The following DYRK4 variants were observed in gnomAD, a reference collection of about 807,000 sequenced individuals.
DYRK4 encodes dual specificity tyrosine-phosphorylation-regulated kinase 4.
Under a neutral mutation model 68.3 loss-of-function variants are expected in DYRK4, and 64 were observed. The observed-to-expected ratio is 0.94, with a 90% CI of 0.77 to 1.15. The LOEUF (loss-of-function observed/expected upper bound fraction) is 1.15. DYRK4 is among the 50% of genes most tolerant of loss of function. The pLI is 0.00. For missense variants in DYRK4, 740 were observed against 764.7 expected (o/e 0.97, Z 0.38); for synonymous variants, 274 against 289.9 (o/e 0.95, Z 0.56).
intron 2 of DYRK4, among the ~76,000 whole-genome samples, chr12:4,579,854 T>C (rs1363591747): frequency 6.6e-6 from 1 of 152,092 alleles, no homozygotes; most frequent in Non-Finnish European, 1.5e-5. Flanking sequence ...TTCTTTATAA[T>C]CCCTTGTCAC....
chr12:4,568,505 C>T (rs1313084836), intron 2 of DYRK4, among the ~76,000 whole-genome samples: 1 of 152,096 alleles, frequency 6.6e-6, no homozygotes, highest in African/African-American at 2.4e-5. Context: ...CCTGCCTCAG[C>T]CTCCCAAGTA....
At chr12:4,563,175 C>G in intron 1 of DYRK4, 1 of 455,820 alleles carries the variant, frequency 2.2e-6, no homozygotes, top group South Asian at 1.6e-5. Context: ...TACATGTGGT[C>G]GGTATGTAAA....
chr12:4,588,689 T>C (rs763444579), intron 2 of DYRK4, among the ~76,000 whole-genome samples: 6 of 152,244 alleles, frequency 3.9e-5, no homozygotes, highest in Non-Finnish European at 8.8e-5. Context: ...ATATTGATTT[T>C]TTTTAAAGCA....
intron 10 of DYRK4, among the ~76,000 whole-genome samples, chr12:4,601,753 T>C (rs868089314): frequency 1.3e-5 from 2 of 152,170 alleles, no homozygotes; most frequent in African/African-American, 2.4e-5. Context: ...ATTTTCAAAA[T>C]TTTCTCTTGG....
chr12:4,571,797 A>T (rs1427509248), intron 2 of DYRK4, among the ~76,000 whole-genome samples: 1 of 152,228 alleles, frequency 6.6e-6, no homozygotes, highest in South Asian at 2.1e-4. Flanking sequence ...CAGAAAATTT[A>T]AAATTATACT....
At chr12:4,575,880 T>C (rs1412449350) in intron 2 of DYRK4, among the ~76,000 whole-genome samples, 2 of 152,234 alleles carry the variant, frequency 1.3e-5, no homozygotes, top group African/African-American at 4.8e-5. Context: ...ATTTAATTTT[T>C]AAAGAGCAGT....
intron 10 of DYRK4, chr12:4,602,215 T>C: frequency 1.0e-6 from 1 of 970,312 alleles, no homozygotes; most frequent in Non-Finnish European, 1.6e-6. Flanking sequence ...GTCTTCAATC[T>C]GCTTTGCTTG....
chr12:4,585,060 G>A (rs963205841), intron 2 of DYRK4, among the ~76,000 whole-genome samples: 15 of 152,120 alleles, frequency 9.9e-5, no homozygotes, highest in Admixed American at 9.8e-4. Context: ...CCCCTCACCC[G>A]CCATCAGCCT....
chr12:4,582,450 AATGAAATGAG>A (rs1485203134), intron 2 of DYRK4, among the ~76,000 whole-genome samples: 1 of 152,230 alleles, frequency 6.6e-6, no homozygotes, highest in Non-Finnish European at 1.5e-5. Flanking sequence ...AATAAAATGA[AATGAAATGAG>A]ATGAAATGAA....
chr12:4,575,299 C>CGTGTGTGTGTGTGTGTGTG (rs1555120909), intron 2 of DYRK4, among the ~76,000 whole-genome samples: 18 of 148,964 alleles, frequency 1.2e-4, no homozygotes, highest in African/African-American at 4.4e-4. Flanking sequence ...CAATAACTTA[C>CGTGTGTGTGTGTGTGTGTG]TGTGTGTGTG....
At chr12:4,590,290 C>G (rs1944939143) in intron 3 of DYRK4, 40 bp from the exon 4 acceptor site, 1 of 1,513,480 alleles carries the variant, frequency 6.6e-7, no homozygotes, top group Non-Finnish European at 8.8e-7. Context: ...CGTTTTCTTG[C>G]CTAAGGCTTT....
At chr12:4,578,406 G>T (rs1462648056) in intron 2 of DYRK4, among the ~76,000 whole-genome samples, 1 of 151,928 alleles carries the variant, frequency 6.6e-6, no homozygotes, top group Non-Finnish European at 1.5e-5. Context: ...CATTCATTTG[G>T]TTTTTAATTT....
intron 13 of DYRK4, 178 bp downstream of exon 13, chr12:4,610,462 T>C (rs1321162855): frequency 2.0e-5 from 11 of 562,946 alleles, no homozygotes; most frequent in Non-Finnish European, 3.2e-5. Context: ...CAGACATCTC[T>C]CCCTACTGTG....
In DYRK4 at chr12:4,582,061, G is replaced by A. The variant is rs142210352; in HGVS notation, c.133-6876G>A. Among the ~76,000 whole-genome samples, 240 of 152,254 alleles carry A rather than the reference G, an allele frequency of 1.6e-3. 1 individual carries two copies. The highest frequency in any genetic ancestry group is 5.4e-3 in the African/African-American group (225 of 41,558). On this transcript the variant is annotated intron_variant, in intron 2 of 14. Transcript: ENST00000543431. ...TGTGCACGTGAGTGGTGTCATTGTC[G>A]GCACTCAAAAGTGGAGCATTTCAGG...
At chr12:4,611,044 G>A (rs193262663) in intron 13 of DYRK4, among the ~76,000 whole-genome samples, 4 of 152,016 alleles carry the variant, frequency 2.6e-5, no homozygotes, top group Non-Finnish European at 4.4e-5. Flanking sequence ...TATAAAATAC[G>A]GTATTCCTAA....
chr12:4,591,497 T>C lies in DYRK4; in HGVS notation c.463+199T>C. On this transcript the variant is annotated intron_variant, in intron 5 of 14. Transcript: ENST00000543431. The surrounding 1 kb of genome is among the most constrained non-coding windows in gnomAD (Gnocchi z 4.1). ...GCAAGAGGCTGAATAGGAGGCTGAA[T>C]TTCCCCCAAGGAGTGGCTCTGGGCA... 1 of 706,114 alleles carries C rather than the reference T, an allele frequency of 1.4e-6. No homozygotes were observed. Among genetic ancestry groups the C allele is most frequent in the Non-Finnish European group, 2.2e-6 (1 of 457,348 alleles). The allele number at this position is 706,114 out of a possible 1,614,324, so 43.7% of individuals were successfully genotyped here.
rs367847283 is a variant in DYRK4, at chr12:4,612,539, G to A, written c.1491-4G>A. 33 of 1,613,370 alleles carry A rather than the reference G, an allele frequency of 2.0e-5. No homozygotes were observed. The African/African-American group carries it at 3.6e-4, about 18-fold the overall frequency. ...AACCCATGTGGGGCTTTGTTGGGGTGCAGATGGGAACCTTCTCTTCGCATG... is the reference window on the plus strand; with the variant it reads ...AACCCATGTGGGGCTTTGTTGGGGTACAGATGGGAACCTTCTCTTCGCATG... On this transcript the variant is annotated splice_polypyrimidine_tract_variant and splice_region_variant and intron_variant, in intron 13 of 14. Coordinates refer to ENST00000543431, the MANE Select transcript of DYRK4 (RefSeq NM_001394779.1).
At chr12:4,572,503 G>A (rs191669068) in intron 2 of DYRK4, among the ~76,000 whole-genome samples, 1 of 152,146 alleles carries the variant, frequency 6.6e-6, no homozygotes, top group Non-Finnish European at 1.5e-5. Context: ...CACCATGTTA[G>A]CCAGGATGGT....
At chr12:4,580,745 A>G (rs1049192820) in intron 2 of DYRK4, 4 of 445,306 alleles carry the variant, frequency 9.0e-6, no homozygotes, top group African/African-American at 2.0e-5. Flanking sequence ...TTGTGAGCTG[A>G]TATCACAGAA....
Sources: gnomAD v4.1 joint callset for allele counts (sites outside exome capture counted in the v4.1 genomes callset) on GRCh38, gnomAD v4.1.1 for gene constraint, Gnocchi (gnomAD v3.1) non-coding constraint, MANE v1.5 for transcripts, NCBI Gene and HGNC (gene_info 2026-07-23, HGNC 2026-07-21) for gene names.